Variants in RFX4 observed in about 807,000 individuals in gnomAD.
RFX4 encodes transcription factor RFX4.
Under a neutral mutation model 95.0 loss-of-function variants are expected in RFX4, and 10 were observed. The observed-to-expected ratio is 0.11, with a 90% CI of 0.06 to 0.18. The LOEUF (loss-of-function observed/expected upper bound fraction) is 0.18. Ranked by LOEUF, RFX4 falls within the 10% of genes least tolerant of loss-of-function variation. The pLI, the probability that RFX4 is intolerant of heterozygous loss-of-function variation, is 1.00. For synonymous variants in RFX4, 321 were observed against 340.7 expected (o/e 0.94, Z 0.64); for missense variants, 640 against 922.0 (o/e 0.69, Z 3.96).
intron 4 of RFX4, among the ~76,000 whole-genome samples, chr12:106,679,883 A>G (rs2041470905): frequency 6.6e-6 from 1 of 152,222 alleles, no homozygotes; most frequent in Non-Finnish European, 1.5e-5. Flanking sequence ...CTTAGGCTGC[A>G]CTGCTAGACA....
chr12:106,583,081 C>G lies in RFX4; in HGVS notation c.-240C>G. On this transcript the variant is annotated 5_prime_UTR_variant, in exon 1 of 18. Transcript: ENST00000392842. ...TTGCTCGCTCGCTTTTTCTCTCTCC[C>G]CCTTCTCCGAGCTCGCTCCCTTCTC... 1 of 446,572 alleles carries G rather than the reference C, an allele frequency of 2.2e-6. No individual in the cohort carries two copies. The highest frequency in any genetic ancestry group is 5.5e-5 in the South Asian group (1 of 18,204). 27.7% of individuals were successfully genotyped at this position (446,572 alleles called of 1,614,324 possible).
chr12:106,715,651 C>T, intron 11 of RFX4, 107 bp downstream of exon 11: 1 of 1,270,534 alleles, frequency 7.9e-7, no homozygotes, highest in Non-Finnish European at 1.1e-6. Flanking sequence ...TTCCCAGCAT[C>T]TCTTCCTCCT....
intron 8 of RFX4, among the ~76,000 whole-genome samples, chr12:106,705,410 C>A (rs770246393): frequency 7.9e-5 from 12 of 152,150 alleles, no homozygotes; most frequent in Non-Finnish European, 1.3e-4. Flanking sequence ...GGAGGACAGA[C>A]CCTGGCATCC....
At chr12:106,747,320 C>T (rs770234207) in intron 15 of RFX4, 117 bp from the exon 16 acceptor site, 8 of 1,091,138 alleles carry the variant, frequency 7.3e-6, no homozygotes, top group South Asian at 1.5e-5. Flanking sequence ...GTCAGAGATA[C>T]ATGTCTTATA....
intron 3 of RFX4, among the ~76,000 whole-genome samples, chr12:106,642,021 A>ATATCTAT (rs1755143343): frequency 6.7e-6 from 1 of 149,012 alleles, no homozygotes; most frequent in African/African-American, 2.5e-5. Flanking sequence ...ATCTATATCT[A>ATATCTAT]TTTTTTGAGA....
At chr12:106,703,997 C>T (rs1211503980) in intron 8 of RFX4, among the ~76,000 whole-genome samples, 1 of 127,924 alleles carries the variant, frequency 7.8e-6, no homozygotes, top group African/African-American at 3.0e-5. Context: ...ATCCAGGAGG[C>T]GGAGGTTGCA....
chr12:106,717,945 G>T (rs1378760426), intron 11 of RFX4, among the ~76,000 whole-genome samples: 1 of 152,214 alleles, frequency 6.6e-6, no homozygotes, highest in Non-Finnish European at 1.5e-5. Flanking sequence ...ACAGCCAGCT[G>T]ACAAATCTGC....
At position 106,623,839 on chromosome 12, in the gene RFX4, G is replaced by A. The variant is rs2040235281; in HGVS notation, c.130+14956G>A. 2.0e-5 allele frequency among the ~76,000 whole-genome samples: 3 copies of A among 152,210 alleles called. No homozygotes were observed. In the South Asian group the frequency reaches 6.2e-4, roughly 32 times the overall value. On this transcript the variant is annotated intron_variant, in intron 2 of 17. Transcript: ENST00000392842. Reference sequence around the variant, plus strand: ...GGATTGTAAGAGACAGAAACCTGATGATTTAAATGATGTAGATATTTATTA... The same window carrying A: ...GGATTGTAAGAGACAGAAACCTGATAATTTAAATGATGTAGATATTTATTA...
chr12:106,624,287 C>T (rs1026335160), intron 2 of RFX4, among the ~76,000 whole-genome samples: 4 of 152,166 alleles, frequency 2.6e-5, no homozygotes, highest in East Asian at 1.9e-4. Flanking sequence ...TGTTTTTATA[C>T]ATCCCATGAT....
At chr12:106,603,665 G>C (rs1388347087) in intron 1 of RFX4, among the ~76,000 whole-genome samples, 1 of 152,224 alleles carries the variant, frequency 6.6e-6, no homozygotes, top group Non-Finnish European at 1.5e-5. Context: ...ATTGGGAATA[G>C]GAAGTTATCC....
chr12:106,721,160 T>C (rs1281914917), intron 13 of RFX4, among the ~76,000 whole-genome samples: 1 of 152,166 alleles, frequency 6.6e-6, no homozygotes, highest in African/African-American at 2.4e-5. Flanking sequence ...GCCTAGATGT[T>C]CCCAGTGATT....
chr12:106,752,667 T>TCCAG (rs1240797116), intron 17 of RFX4, among the ~76,000 whole-genome samples: 1 of 152,146 alleles, frequency 6.6e-6, no homozygotes, highest in Admixed American at 6.5e-5. Context: ...GCTCTTTTCA[T>TCCAG]CCAGCCCGCA....
chr12:106,749,553 C>G (rs1357005273), intron 16 of RFX4, among the ~76,000 whole-genome samples: 1 of 152,114 alleles, frequency 6.6e-6, no homozygotes, highest in African/African-American at 2.4e-5. Flanking sequence ...TTAGAATAGA[C>G]TCTGAAAACT....
intron 4 of RFX4, among the ~76,000 whole-genome samples, chr12:106,676,444 C>T (rs1001196987): frequency 5.3e-5 from 8 of 152,284 alleles, no homozygotes; most frequent in East Asian, 1.9e-4. Flanking sequence ...GTCAGGTGAC[C>T]GTGGAGAATT....
rs866103773 is a variant in RFX4, at chr12:106,746,998, G to A, written c.1634-439G>A. Among the ~76,000 whole-genome samples the A allele has an allele frequency of 3.9e-5, 6 of 152,188 alleles. No individual in the cohort carries two copies. In the South Asian group the frequency reaches 1.2e-3, roughly 32 times the overall value. ...AAATAGGCCAGGCCCCTACCCTCAT[G>A]GTGCTTTCTGTCTAGTGAGGGGGCC... On this transcript the variant is annotated intron_variant, in intron 15 of 17. Coordinates refer to ENST00000392842, the MANE Select transcript of RFX4 (RefSeq NM_213594.3).
chr12:106,750,996 T>C (rs2042992525), intron 17 of RFX4, among the ~76,000 whole-genome samples: 1 of 151,852 alleles, frequency 6.6e-6, no homozygotes, highest in African/African-American at 2.4e-5. Flanking sequence ...GCAGGTTAGT[T>C]ACATACGTAT....
rs2042263458 is a variant in RFX4, at chr12:106,715,152, T to C, written c.994-248T>C. 1.0e-5 allele frequency: 4 copies of C among 396,558 alleles called. No individual in the cohort carries two copies. The Admixed American group carries it at 1.5e-4, about 15-fold the overall frequency. The allele number at this position is 396,558 out of a possible 1,614,324, so 24.6% of individuals were successfully genotyped here. ...GGACTGGAAACAGCAGGGTTTGGTC[T>C]GGCCTAGCCCACCCTCGCAGTTTCT... On this transcript the variant is annotated intron_variant, in intron 10 of 17. Transcript: ENST00000392842.
intron 4 of RFX4, among the ~76,000 whole-genome samples, chr12:106,677,038 T>C (rs900703323): frequency 6.6e-6 from 1 of 152,146 alleles, no homozygotes; most frequent in African/African-American, 2.4e-5. Context: ...CTCACTTTAC[T>C]CATCTATACT....
chr12:106,602,991 G>T (rs143063132), intron 1 of RFX4, among the ~76,000 whole-genome samples: 6 of 152,212 alleles, frequency 3.9e-5, no homozygotes, highest in African/African-American at 1.4e-4. Flanking sequence ...GTCTTGAGAC[G>T]CTAGTCCACC....
Sources: gnomAD v4.1 joint callset for allele counts (sites outside exome capture counted in the v4.1 genomes callset) on GRCh38, gnomAD v4.1.1 for gene constraint, MANE v1.5 for transcripts, NCBI Gene and HGNC (gene_info 2026-07-23, HGNC 2026-07-21) for gene names.